The following RPH3A variants were observed in gnomAD, a reference collection of about 807,000 sequenced individuals.
The protein encoded by RPH3A is rabphilin-3A.
In RPH3A, 48 loss-of-function variants were observed where a neutral mutation model predicts 102.2. The observed-to-expected ratio is 0.47, with a 90% confidence interval of 0.37 to 0.60. The LOEUF (loss-of-function observed/expected upper bound fraction) is 0.60. Ranked by LOEUF, RPH3A falls within the 20% of genes least tolerant of loss-of-function variation. The pLI is 0.00. For synonymous variants in RPH3A, 310 were observed against 324.3 expected (o/e 0.96, Z 0.47); for missense variants, 781 against 910.1 (o/e 0.86, Z 1.83).
At chr12:112,686,293 G>T (rs2040262534) in intron 1 of RPH3A, among the ~76,000 whole-genome samples, 1 of 152,098 alleles carries the variant, frequency 6.6e-6, no homozygotes, top group Admixed American at 6.5e-5. Flanking sequence ...TCACATGTGT[G>T]GTAGATTGTA....
At chr12:112,841,173 T>TA (rs11447068) in intron 4 of RPH3A, among the ~76,000 whole-genome samples, 15,302 of 33,392 alleles carry the variant, frequency 0.46, 4,051 homozygotes, top group East Asian at 0.72. Flanking sequence ...CCTTGTTTCT[T>TA]AAAAAAAAAA....
At chr12:112,576,841 CT>C (rs200480621) in intron 1 of RPH3A, among the ~76,000 whole-genome samples, 4,194 of 138,998 alleles carry the variant, frequency 0.03, 179 homozygotes, top group African/African-American at 0.099. Context: ...TCTTATAAAA[CT>C]TTTTTTTTTT....
intron 1 of RPH3A, among the ~76,000 whole-genome samples, chr12:112,705,762 C>A (rs1247458443): frequency 6.6e-6 from 1 of 152,038 alleles, no homozygotes; most frequent in Non-Finnish European, 1.5e-5. Context: ...TTGGGTCTTA[C>A]ATCTCAGGCT....
chr12:112,635,715 G>A (rs1031419895), intron 1 of RPH3A, among the ~76,000 whole-genome samples: 1 of 152,178 alleles, frequency 6.6e-6, no homozygotes, highest in Non-Finnish European at 1.5e-5. Flanking sequence ...AGGGAGGGGA[G>A]TAAATGTAAG....
At chr12:112,762,586 T>C (rs1206384715) in intron 1 of RPH3A, among the ~76,000 whole-genome samples, 2 of 152,216 alleles carry the variant, frequency 1.3e-5, no homozygotes, top group Admixed American at 1.3e-4. Flanking sequence ...GAAAAAAATG[T>C]CTATTTGTTC....
At chr12:112,796,993 T>A (rs1034123948) in intron 2 of RPH3A, among the ~76,000 whole-genome samples, 1 of 151,870 alleles carries the variant, frequency 6.6e-6, no homozygotes, top group African/African-American at 2.4e-5. Context: ...GAGGTTACAG[T>A]GAGTCGAGAT....
intron 5 of RPH3A, 86 bp downstream of exon 5, chr12:112,847,928 G>C: frequency 6.8e-7 from 1 of 1,477,692 alleles, no homozygotes; most frequent in Non-Finnish European, 9.2e-7. Flanking sequence ...CCTCAAACGG[G>C]GTGTGCTGGG....
chr12:112,732,321 T>C (rs2040640317), intron 1 of RPH3A, among the ~76,000 whole-genome samples: 1 of 152,190 alleles, frequency 6.6e-6, no homozygotes, highest in African/African-American at 2.4e-5. Context: ...AGATTTAGAA[T>C]CTCAGGCTTT....
Position 112,866,869 on chromosome 12 carries a change from A to G in RPH3A, c.444+29A>G. 1.9e-6 allele frequency: 3 copies of G among 1,566,720 alleles called. 1 individual carries two copies. The South Asian group carries it at 3.4e-5, about 18-fold the overall frequency. ...AGTGCCCTGGTCCCACCTGGTGCCT[A>G]GATCACCCTCCTTTCTTGGCCAGCT... On this transcript the variant is annotated intron_variant, in intron 7 of 21. Coordinates refer to ENST00000389385, the MANE Select transcript of RPH3A (RefSeq NM_001143854.2).
rs551191517 is a variant in RPH3A, at chr12:112,607,852, A to C, written c.-140+32533A>C. Among the ~76,000 whole-genome samples, 3 of 152,246 alleles carry C rather than the reference A, an allele frequency of 2.0e-5. No individual in the cohort carries two copies. The South Asian group carries it at 6.2e-4, about 32-fold the overall frequency. On this transcript the variant is annotated intron_variant, in intron 1 of 21. Transcript: ENST00000543106. ...CATTAAATGCACTGTTCTTTGCTCG[A>C]CATGTAGTTCATTTTATGGCGAACC... is the stretch of plus-strand genomic sequence containing the variant.
intron 1 of RPH3A, among the ~76,000 whole-genome samples, chr12:112,764,275 A>G (rs1299751196): frequency 2.6e-5 from 4 of 152,258 alleles, no homozygotes; most frequent in African/African-American, 9.6e-5. Flanking sequence ...ATGCAGGCTC[A>G]GAGAATGGCC....
rs768544460 is a variant in RPH3A at position 112,876,681 on chromosome 12, G to A, written c.986G>A (p.Arg329Gln). ...GACCCTGGGACCACTGCCCCACCCC[G>A]AGAGGAGAGAACAGGGGGAGTCGGG... ...PSDPGTTAPPREERTGGVGGY... is the reference protein window; with the variant it reads ...PSDPGTTAPPQEERTGGVGGY... Residue 329 changes from arginine (R) to glutamine (Q), a missense_variant, in exon 13 of 22, where the codon CGA (arginine) becomes CAA (glutamine). Physicochemically the swap from Arg to Gln is conservative, Grantham distance 43. This residue lies in a region of RPH3A where 730 missense variants were observed against 810.0 expected (regional missense o/e 0.90). Transcript: ENST00000389385. 19 of 1,612,876 alleles carry A rather than the reference G, an allele frequency of 1.2e-5. No individual in the cohort carries two copies. Among genetic ancestry groups the A allele is most frequent in the East Asian group, 6.7e-5 (3 of 44,838 alleles).
chr12:112,699,003 C>T (rs184960180), intron 1 of RPH3A, among the ~76,000 whole-genome samples: 100 of 151,898 alleles, frequency 6.6e-4, no homozygotes, highest in African/African-American at 2.3e-3. Context: ...TCACTTCAGC[C>T]TTGACCTCCT....
intron 1 of RPH3A, among the ~76,000 whole-genome samples, chr12:112,595,838 C>T (rs370846639): frequency 1.8e-4 from 27 of 152,254 alleles, no homozygotes; most frequent in African/African-American, 5.1e-4. Context: ...GGCAACCACA[C>T]GATACCAATG....
intron 2 of RPH3A, among the ~76,000 whole-genome samples, chr12:112,827,880 C>T (rs1310598400): frequency 7.1e-6 from 1 of 141,010 alleles, no homozygotes; most frequent in African/African-American, 2.7e-5. Context: ...ATATGTATCC[C>T]GGAACTTAAG....
chr12:112,655,673 C>T (rs1390501692), intron 1 of RPH3A, among the ~76,000 whole-genome samples: 1 of 149,050 alleles, frequency 6.7e-6, no homozygotes, highest in Non-Finnish European at 1.5e-5. Flanking sequence ...CAGGTCCCAG[C>T]GATTCTGGTG....
At chr12:112,843,198 C>G (rs1455081820) in intron 4 of RPH3A, among the ~76,000 whole-genome samples, 1 of 152,196 alleles carries the variant, frequency 6.6e-6, no homozygotes, top group Non-Finnish European at 1.5e-5. Context: ...CCACATCGCT[C>G]CTCGACTCAG....
chr12:112,609,152 G>A (rs548573677), intron 1 of RPH3A, among the ~76,000 whole-genome samples: 67 of 152,224 alleles, frequency 4.4e-4, no homozygotes, highest in Non-Finnish European at 5.3e-4. Flanking sequence ...GACCTAGAAG[G>A]TAGAAGTTCA....
chr12:112,853,986 C>G (rs1056371372), intron 5 of RPH3A, among the ~76,000 whole-genome samples: 1 of 152,218 alleles, frequency 6.6e-6, no homozygotes, highest in Non-Finnish European at 1.5e-5. Context: ...CTTACGGCGT[C>G]CCTCATGGCC....
Sources: allele counts gnomAD v4.1 joint callset (sites outside exome capture counted in the v4.1 genomes callset), GRCh38; gene constraint gnomAD v4.1.1; regional missense constraint gnomAD v4.1.1; transcripts MANE v1.5; gene names NCBI Gene and HGNC (gene_info 2026-07-23, HGNC 2026-07-21).